PLB1: variants seen among roughly 807,000 people sequenced by gnomAD.
The protein encoded by PLB1 is phospholipase B1.
A neutral mutation model predicts 227.4 loss-of-function variants in PLB1; 242 were observed. That is an observed-to-expected ratio of 1.06 (90% CI 0.96 to 1.18). The LOEUF is 1.18. Among genes scored for constraint, PLB1 ranks in the 50% most tolerant of loss-of-function variants. The pLI, the probability that PLB1 is intolerant of heterozygous loss-of-function variation, is 0.00. For synonymous variants in PLB1, 757 were observed against 682.2 expected, an observed-to-expected ratio of 1.11 and a Z score of -1.71; for missense variants, 1,858 against 1,816.3, an observed-to-expected ratio of 1.02 and a Z score of -0.42.
Position 28,598,733 on chromosome 2 carries a change from A to T in PLB1, c.2447A>T (p.Asn816Ile). ...GDANDTNAFLNQAVPGAKAED... is the reference protein window; with the variant it reads ...GDANDTNAFLIQAVPGAKAED... ...GCCAATGACACGAATGCATTCCTCA[A>T]TCAAGCTGTTCCCGGAGCAAAGGCT... The change falls in exon 35 of 58, where the codon AAT (asparagine) becomes ATT (isoleucine). Residue 816 changes from asparagine to isoleucine, a missense_variant. By Grantham distance (149) the Asn-to-Ile change is moderately radical. Transcript: ENST00000327757. 6.2e-7 allele frequency: 1 copy of T among 1,614,094 alleles called. No individual in the cohort carries two copies. The highest frequency in any genetic ancestry group is 1.1e-5 in the South Asian group (1 of 91,084).
rs1433385744 is a variant in PLB1, at chr2:28,593,761, T to G, written c.2321+7T>G. Reference sequence around the variant, plus strand: ...ATCGGGGACTGTCATACAGGTAATGTTAACCTTTGACCTCTCCCAGCGTTC... The same window carrying G: ...ATCGGGGACTGTCATACAGGTAATGGTAACCTTTGACCTCTCCCAGCGTTC... On this transcript the variant is annotated splice_region_variant and intron_variant, in intron 33 of 57. Transcript: ENST00000327757. The G allele has an allele frequency of 1.2e-6, 2 of 1,613,030 alleles. No homozygotes were observed. Among genetic ancestry groups the G allele is most frequent in the Admixed American group, 1.7e-5 (1 of 59,960 alleles).
chr2:28,642,581 T>TATCA (rs575549620), intron 57 of PLB1, among the ~76,000 whole-genome samples: 31 of 152,194 alleles, frequency 2.0e-4, no homozygotes, highest in Non-Finnish European at 3.7e-4. Flanking sequence ...ATTGGTCACC[T>TATCA]ATCAGTTCCC....
At chr2:28,585,500 C>T in intron 25 of PLB1, 1 of 378,588 alleles carries the variant, frequency 2.6e-6, no homozygotes, top group Non-Finnish European at 5.0e-6. Context: ...TGGTCTTGAA[C>T]TCCTGACCTC....
In PLB1 at chr2:28,589,536, G is replaced by A. The variant is rs1681504218; in HGVS notation, c.1902G>A (p.Val634=). ...TTGTGCAGCCGTTCTTTGAAAACGT[G>A]GACATGCCAAAGACCTCGGTAAAGA... The part of the protein sequence containing the change: ...TVVVQPFFEN[V]DMPKTSEGLP... The change falls in exon 27 of 58, where the codon GTG becomes GTA. Residue 634 remains valine (V), a synonymous_variant. Coordinates refer to ENST00000327757, the MANE Select transcript of PLB1 (RefSeq NM_153021.5). 6.2e-7 allele frequency: 1 copy of A among 1,613,972 alleles called. No homozygotes were observed. The highest frequency in any genetic ancestry group is 1.7e-5 in the Admixed American group (1 of 59,992).
At chr2:28,496,505 A>T (rs144770341) in intron 1 of PLB1, among the ~76,000 whole-genome samples, 1 of 152,024 alleles carries the variant, frequency 6.6e-6, no homozygotes, top group South Asian at 2.1e-4. Flanking sequence ...ACCTCCCTGG[A>T]CCTTGATTTT....
intron 9 of PLB1, among the ~76,000 whole-genome samples, chr2:28,534,024 A>G (rs1671353505): frequency 6.6e-6 from 1 of 152,236 alleles, no homozygotes; most frequent in African/African-American, 2.4e-5. Flanking sequence ...TTACATATCT[A>G]TAAATCCAAG....
chr2:28,519,788 C>A, intron 4 of PLB1, 25 bp downstream of exon 4: 1 of 1,592,042 alleles, frequency 6.3e-7, no homozygotes, highest in Non-Finnish European at 8.6e-7. Flanking sequence ...TAGCTTGGGG[C>A]AGGAGACAGA....
At chr2:28,513,822 T>C (rs1668542298) in intron 1 of PLB1, among the ~76,000 whole-genome samples, 1 of 152,196 alleles carries the variant, frequency 6.6e-6, no homozygotes, top group Admixed American at 6.5e-5. Flanking sequence ...TTGAGCCCTA[T>C]TAAAACCTTT....
chr2:28,539,713 A>G (rs943411096), intron 11 of PLB1, among the ~76,000 whole-genome samples: 2 of 151,960 alleles, frequency 1.3e-5, no homozygotes, highest in Non-Finnish European at 2.9e-5. Context: ...AAAGGAGAGA[A>G]GTGGGGTGCT....
rs915986861 is a variant in PLB1 at position 28,546,870 on chromosome 2, T to C, written c.937-1990T>C. ...TCATTTAGATATGGCTCTTTCAAGG[T>C]TTCTTTCCAGATTCCATTATGGATT... On this transcript the variant is annotated intron_variant, in intron 14 of 57. Transcript: ENST00000327757. Among the ~76,000 whole-genome samples, 4 of 152,122 alleles carry C rather than the reference T, an allele frequency of 2.6e-5. 1 individual carries two copies. The highest frequency in any genetic ancestry group is 5.9e-5 in the Non-Finnish European group (4 of 68,012).
At chr2:28,589,612 T>G in intron 27 of PLB1, 58 bp downstream of exon 27, 1 of 1,607,532 alleles carries the variant, frequency 6.2e-7, no homozygotes, top group Non-Finnish European at 8.5e-7. Context: ...TGGCTGTTTC[T>G]GAGTGTCACT....
intron 54 of PLB1, among the ~76,000 whole-genome samples, chr2:28,631,251 C>T (rs373353661): frequency 3.3e-5 from 5 of 152,282 alleles, no homozygotes; most frequent in East Asian, 1.9e-4. Context: ...TCCATCTCCC[C>T]ACCTCCACTC....
intron 17 of PLB1, among the ~76,000 whole-genome samples, chr2:28,554,425 T>A (rs890268081): frequency 6.7e-6 from 1 of 148,910 alleles, no homozygotes; most frequent in Non-Finnish European, 1.5e-5. Context: ...CCTCCTGGGC[T>A]CAAGTGATCC....
At chr2:28,632,652 A>G (rs11127183) in intron 55 of PLB1, among the ~76,000 whole-genome samples, 49,370 of 151,738 alleles carry the variant, frequency 0.33, 8,074 homozygotes, top group Non-Finnish European at 0.36. Flanking sequence ...GCTGGGCGTG[A>G]TGGCAGGCAC....
At chr2:28,543,375 G>C in intron 14 of PLB1, 107 bp downstream of exon 14, 15 of 1,228,656 alleles carry the variant, frequency 1.2e-5, no homozygotes, top group Non-Finnish European at 1.6e-5. Flanking sequence ...CAGGATCCCA[G>C]GACAATGGTT....
Position 28,604,036 on chromosome 2 carries a change from C to G in PLB1, c.2845C>G (p.Arg949Gly), listed in dbSNP as rs1229346251. The G allele has an allele frequency of 6.2e-7, 1 of 1,613,766 alleles. No individual in the cohort carries two copies. The highest frequency in any genetic ancestry group is 2.2e-5 in the East Asian group (1 of 44,898). The change falls in exon 40 of 58, where the codon CGA becomes GGA. Residue 949 changes from arginine to glycine, a missense_variant. By Grantham distance (125) the Arg-to-Gly change is moderately radical. Coordinates refer to ENST00000327757, the MANE Select transcript of PLB1 (RefSeq NM_153021.5). ...QELARLEAFS[R>G]AYRSSMRELV... is the part of the protein sequence containing the mutation. ...GCTAGCCAGGCTGGAGGCCTTCAGC[C>G]GAGCCTACCGGGTAAGACCAAGAAG...
intron 35 of PLB1, 100 bp from the exon 36 acceptor site, chr2:28,600,709 A>G (rs1186993916): frequency 5.6e-6 from 6 of 1,071,916 alleles, no homozygotes; most frequent in Non-Finnish European, 4.2e-6. Flanking sequence ...CAGCTCATGC[A>G]GTGGGGATGA....
chr2:28,628,943 T>A, intron 52 of PLB1, 151 bp from the exon 53 acceptor site: 8 of 660,382 alleles, frequency 1.2e-5, no homozygotes, highest in Non-Finnish European at 1.8e-5. Flanking sequence ...TCAAGAAGAT[T>A]CAGTGAGATA....
chr2:28,610,488 C>T (rs563149676), intron 43 of PLB1, among the ~76,000 whole-genome samples: 2 of 152,196 alleles, frequency 1.3e-5, no homozygotes, highest in East Asian at 3.9e-4. Context: ...GATAGAAAAC[C>T]TCTTAGGACA....
Sources: gnomAD v4.1 joint callset for allele counts (sites outside exome capture counted in the v4.1 genomes callset) on GRCh38, gnomAD v4.1.1 for gene constraint, MANE v1.5 for transcripts, NCBI Gene and HGNC (gene_info 2026-07-23, HGNC 2026-07-21) for gene names.